VAX2: variants seen among roughly 807,000 people sequenced by gnomAD.
The protein encoded by VAX2 is ventral anterior homeobox 2.
A neutral mutation model predicts 12.5 loss-of-function variants in VAX2; 8 were observed. That is an observed-to-expected ratio of 0.64 (90% CI 0.37 to 1.15). VAX2 has a LOEUF of 1.15. VAX2 is among the 50% of genes most tolerant of loss of function. The pLI, the probability that VAX2 is intolerant of heterozygous loss-of-function variation, is 0.01. For missense variants in VAX2, 476 were observed against 412.9 expected (o/e 1.15, Z -1.32); for synonymous variants, 183 against 187.6 (o/e 0.98, Z 0.20).
chr2:70,922,895 T>C (rs975887092), intron 2 of VAX2, among the ~76,000 whole-genome samples: 2 of 152,180 alleles, frequency 1.3e-5, no homozygotes, highest in Admixed American at 6.5e-5. Flanking sequence ...GAGGCCCGTA[T>C]TCCCTACACT....
Position 70,904,757 on chromosome 2 carries a change from G to T in VAX2, c.247+3889G>T, listed in dbSNP as rs1553410355. The stretch of plus-strand genomic sequence containing the variant: ...GATGCGCGGATGGCTGGGGGCTGAG[G>T]GGACGCGTGAAGCCCAGGCCTCTTG... On this transcript the variant is annotated intron_variant, in intron 1 of 2. Coordinates refer to ENST00000234392, the MANE Select transcript of VAX2 (RefSeq NM_012476.3). The surrounding 1 kb of genome is among the most constrained non-coding windows in gnomAD (Gnocchi z 4.2). Among the ~76,000 whole-genome samples the T allele has an allele frequency of 2.0e-5, 3 of 152,248 alleles. No homozygotes were observed.
intron 1 of VAX2, among the ~76,000 whole-genome samples, chr2:70,905,694 C>T (rs1679040787): frequency 6.6e-6 from 1 of 152,204 alleles, no homozygotes; most frequent in African/African-American, 2.4e-5. Flanking sequence ...CCTGCATCTT[C>T]AGGGATGGTC....
intron 2 of VAX2, among the ~76,000 whole-genome samples, chr2:70,923,338 C>T (rs1339601696): frequency 6.6e-6 from 1 of 152,188 alleles, no homozygotes; most frequent in Non-Finnish European, 1.5e-5. Context: ...CTAGTTTAGT[C>T]CTCACCACAA....
At chr2:70,921,018 C>T in intron 1 of VAX2, 80 bp from the exon 2 acceptor site, 2 of 1,421,316 alleles carry the variant, frequency 1.4e-6, no homozygotes, top group South Asian at 1.5e-5. Flanking sequence ...ATAGATCACA[C>T]CACCTTTTAT....
chr2:70,908,735 A>T (rs1679119721), intron 1 of VAX2, among the ~76,000 whole-genome samples: 1 of 152,220 alleles, frequency 6.6e-6, no homozygotes. Flanking sequence ...GATAATGCCC[A>T]ATTGTTTGTC....
chr2:70,911,178 C>G (rs1296006962), intron 1 of VAX2, among the ~76,000 whole-genome samples: 1 of 152,070 alleles, frequency 6.6e-6, no homozygotes, highest in Non-Finnish European at 1.5e-5. Context: ...AACACACACA[C>G]AGAAAGAGTT....
At position 70,906,518 on chromosome 2, in the gene VAX2, TC is replaced by T. The variant is rs1354633460; in HGVS notation, c.247+5652del. ...TTCTTTCTTTTTTTTTCTTTTCTTT[TC>T]CTTTTTTTTTTTTTTTTTTTTTTTT... On this transcript the variant is annotated intron_variant, in intron 1 of 2. Coordinates refer to ENST00000234392, the MANE Select transcript of VAX2 (RefSeq NM_012476.3). 3.2e-4 allele frequency among the ~76,000 whole-genome samples: 37 copies of T among 115,344 alleles called. 1 individual carries two copies. The highest frequency in any genetic ancestry group is 3.8e-4 in the Non-Finnish European group (22 of 57,312). 75.7% of individuals were successfully genotyped at this position (115,344 alleles called of 152,430 possible). A position where few individuals can be genotyped will look rare whatever the true frequency, so the allele number is the denominator to read the frequency against.
At chr2:70,907,717 T>G (rs1190184488) in intron 1 of VAX2, among the ~76,000 whole-genome samples, 1 of 152,210 alleles carries the variant, frequency 6.6e-6, no homozygotes, top group Non-Finnish European at 1.5e-5. Context: ...ATTCAAAAAG[T>G]AATACGAGCT....
At chr2:70,916,905 C>T (rs1679317425) in intron 1 of VAX2, among the ~76,000 whole-genome samples, 1 of 152,086 alleles carries the variant, frequency 6.6e-6, no homozygotes, top group Non-Finnish European at 1.5e-5. Flanking sequence ...AATCCCAACA[C>T]TTTGGGAGGC....
chr2:70,914,481 G>T (rs1228200795), intron 1 of VAX2, among the ~76,000 whole-genome samples: 2 of 152,086 alleles, frequency 1.3e-5, no homozygotes, highest in Admixed American at 6.5e-5. Context: ...TGGAGCAAAA[G>T]TTATGTGCAT....
At chr2:70,914,803 A>ATTTTT (rs34964280) in intron 1 of VAX2, among the ~76,000 whole-genome samples, 1 of 140,654 alleles carries the variant, frequency 7.1e-6, no homozygotes, top group African/African-American at 2.6e-5. Context: ...ATTTACTTAA[A>ATTTTT]TTTTTTTTTT....
At chr2:70,930,176 C>G (rs1679662543) in intron 2 of VAX2, among the ~76,000 whole-genome samples, 1 of 152,162 alleles carries the variant, frequency 6.6e-6, no homozygotes, top group African/African-American at 2.4e-5. Context: ...GCAGCCCAGG[C>G]AGAAAACCAA....
chr2:70,914,427 A>G (rs7587617), intron 1 of VAX2, among the ~76,000 whole-genome samples: 127,338 of 152,174 alleles, frequency 0.84, 53,933 homozygotes, highest in East Asian at 1. Flanking sequence ...CTCCAGCCTG[A>G]GCAACAGAGT....
chr2:70,921,250 G>A lies in VAX2; in HGVS notation c.400G>A (p.Glu134Lys). 6.2e-7 allele frequency: 1 copy of A among 1,612,422 alleles called. No homozygotes were observed. The highest frequency in any genetic ancestry group is 1.1e-5 in the South Asian group (1 of 90,748). Residue 134 changes from glutamate (E) to lysine (K), a missense_variant, in exon 2 of 3, where the codon GAG becomes AAG. Glu to Lys is a moderately conservative substitution (Grantham distance 56). Coordinates refer to ENST00000234392, the MANE Select transcript of VAX2 (RefSeq NM_012476.3). ...GTATGTGGTGGGCCGCGAGCGCACT[G>A]AGCTGGCCCGCCAGCTGAACCTCTC... ...CQYVVGRERT[E>K]LARQLNLSET...
At chr2:70,909,414 C>T (rs1253122914) in intron 1 of VAX2, among the ~76,000 whole-genome samples, 1 of 151,796 alleles carries the variant, frequency 6.6e-6, no homozygotes, top group African/African-American at 2.4e-5. Flanking sequence ...ATTGAGGAGG[C>T]CAGTCTCAAA....
Position 70,900,644 on chromosome 2 carries a change from G to A in VAX2, c.23G>A (p.Arg8His), listed in dbSNP as rs1328133234. The change falls in exon 1 of 3, where the codon CGC (arginine) becomes CAC (histidine). Residue 8 changes from arginine to histidine, a missense_variant. Physicochemically the swap from Arg to His is conservative, Grantham distance 29. Transcript: ENST00000234392. ...AGCATGGGCGATGGGGGCGCCGAGCGCGACCGGGGCCCCGCGCGCCGGGCG... is the reference window on the plus strand; with the variant it reads ...AGCATGGGCGATGGGGGCGCCGAGCACGACCGGGGCCCCGCGCGCCGGGCG... MGDGGAERDRGPARRAES... is the reference protein window; with the variant it reads MGDGGAEHDRGPARRAES... 3.9e-6 allele frequency: 5 copies of A among 1,271,274 alleles called. No homozygotes were observed. In the East Asian group the frequency reaches 1.6e-4, roughly 40 times the overall value. The allele number at this position is 1,271,274 out of a possible 1,614,324, so 78.7% of individuals were successfully genotyped here. A position where few individuals can be genotyped will look rare whatever the true frequency, so the allele number is the denominator to read the frequency against.
rs1679735471 is a variant in VAX2, at chr2:70,933,007, T to C, written c.676T>C (p.Ser226Pro). 5 of 1,598,136 alleles carry C rather than the reference T, an allele frequency of 3.1e-6. No homozygotes were observed. The African/African-American group carries it at 6.7e-5, about 21-fold the overall frequency. The part of the protein sequence containing the change: ...GTSLGDPRNS[S>P]PRLNPLSSAS... ...CTCCTTAGGTGACCCCAGGAACTCC[T>C]CCCCACGCCTCAACCCGCTGTCCTC... Residue 226 changes from serine (S) to proline (P), a missense_variant, in exon 3 of 3, where the codon TCC becomes CCC. Transcript: ENST00000234392.
intron 1 of VAX2, among the ~76,000 whole-genome samples, chr2:70,917,373 A>G (rs1250112013): frequency 2.0e-5 from 3 of 151,766 alleles, no homozygotes; most frequent in Admixed American, 6.6e-5. Context: ...ATTTCCCTAG[A>G]ATAAATGCCC....
intron 2 of VAX2, among the ~76,000 whole-genome samples, chr2:70,925,987 C>T (rs1553413492): frequency 6.6e-6 from 1 of 152,044 alleles, no homozygotes; most frequent in African/African-American, 2.4e-5. Context: ...TCCCTGGATA[C>T]TCAGAGGACC....
Sources: allele counts gnomAD v4.1 joint callset (sites outside exome capture counted in the v4.1 genomes callset), GRCh38; gene constraint gnomAD v4.1.1; non-coding constraint Gnocchi (gnomAD v3.1); transcripts MANE v1.5; gene names NCBI Gene and HGNC (gene_info 2026-07-23, HGNC 2026-07-21).